CRACD: variants seen among roughly 807,000 people sequenced by gnomAD.
CRACD encodes the protein capping protein inhibiting regulator of actin dynamics.
In CRACD, 56 loss-of-function variants were observed where a neutral mutation model predicts 106.8. That is an observed-to-expected ratio of 0.52 (90% confidence interval 0.42 to 0.66). The LOEUF (loss-of-function observed/expected upper bound fraction) is 0.66. Ranked by LOEUF, CRACD falls within the 30% of genes least tolerant of loss-of-function variation. The probability of loss-of-function intolerance (pLI) is 0.00; values close to 1 mark genes in which losing one functional copy is unlikely to be tolerated. For missense variants in CRACD, 1,730 were observed against 1,623.2 expected, an observed-to-expected ratio of 1.07 and a Z score of -1.13; for synonymous variants, 754 against 670.8, an observed-to-expected ratio of 1.12 and a Z score of -1.92.
At chr4:56,223,179 T>C (rs756143111) in intron 2 of CRACD, among the ~76,000 whole-genome samples, 10 of 151,792 alleles carry the variant, frequency 6.6e-5, no homozygotes, top group Non-Finnish European at 1.0e-4. Flanking sequence ...AATCTCTTTT[T>C]AAACCACAGG....
At chr4:56,202,757 C>T (rs1737944886) in intron 2 of CRACD, among the ~76,000 whole-genome samples, 1 of 152,038 alleles carries the variant, frequency 6.6e-6, no homozygotes. Flanking sequence ...TCTGAAATAA[C>T]TTTTATTTTT....
chr4:56,267,279 C>A (rs1312636478), intron 2 of CRACD, among the ~76,000 whole-genome samples: 1 of 152,076 alleles, frequency 6.6e-6, no homozygotes, highest in East Asian at 1.9e-4. Flanking sequence ...AGCCACCACG[C>A]CCAGCTAATT....
rs190772769 is a variant in CRACD, at chr4:56,147,980, T to C, written c.-335-31304T>C. Among the ~76,000 whole-genome samples the C allele has an allele frequency of 4.6e-5, 7 of 152,262 alleles. 1 individual carries two copies. Among genetic ancestry groups the C allele is most frequent in the Admixed American group, 4.6e-4 (7 of 15,296 alleles). Reference sequence around the variant, plus strand: ...TAACCCAATATGACTTGTGTCCTTATAATGAGAAAGGTCAGAGACACAAGG... The same window carrying C: ...TAACCCAATATGACTTGTGTCCTTACAATGAGAAAGGTCAGAGACACAAGG... On this transcript the variant is annotated intron_variant, in intron 1 of 10. Coordinates refer to ENST00000682029, the MANE Select transcript of CRACD (RefSeq NM_001393381.1).
At chr4:56,094,794 A>G (rs1346658515) in intron 1 of CRACD, among the ~76,000 whole-genome samples, 1 of 152,182 alleles carries the variant, frequency 6.6e-6, no homozygotes, top group Non-Finnish European at 1.5e-5. Flanking sequence ...CATTTCTGGT[A>G]ATAAAAGCAA....
intron 1 of CRACD, among the ~76,000 whole-genome samples, chr4:56,109,607 A>G (rs1346935399): frequency 3.3e-5 from 5 of 152,244 alleles, no homozygotes; most frequent in Admixed American, 3.3e-4. Flanking sequence ...TATTATGGTT[A>G]TATAGGTTAA....
rs2109779790 is a variant in CRACD, at chr4:56,316,445, C to T, written c.2943C>T (p.Ser981=). The T allele has an allele frequency of 6.2e-7, 1 of 1,614,128 alleles. No homozygotes were observed. Among genetic ancestry groups the T allele is most frequent in the East Asian group, 2.2e-5 (1 of 44,876 alleles). Residue 981 remains serine (S), a synonymous_variant, in exon 8 of 11, where the codon AGC becomes AGT. Transcript: ENST00000682029. ...TPPASPLSKL[S]RPYLVELLSR... is the part of the protein sequence containing the mutation. Reference sequence around the variant, plus strand: ...CAGCATCCCCACTTTCCAAACTGAGCAGGCCCTACTTGGTAGAGCTGCTGT... The same window carrying T: ...CAGCATCCCCACTTTCCAAACTGAGTAGGCCCTACTTGGTAGAGCTGCTGT...
rs74376711 is a variant in CRACD, at chr4:56,287,056, C to T, written c.-16-11158C>T. 5.5e-3 allele frequency among the ~76,000 whole-genome samples: 837 copies of T among 152,248 alleles called. 26 individuals are homozygous for T. In the East Asian group the frequency reaches 0.096, roughly 18 times the overall value. ...AAGCACAGAAACAAGCCCTTCAAAA[C>T]GCCCTGTATTTTGATGTATTTGCTG... On this transcript the variant is annotated intron_variant, in intron 3 of 10. Coordinates refer to ENST00000682029, the MANE Select transcript of CRACD (RefSeq NM_001393381.1).
intron 3 of CRACD, among the ~76,000 whole-genome samples, chr4:56,282,838 T>G (rs924373445): frequency 6.6e-6 from 1 of 152,214 alleles, no homozygotes; most frequent in Non-Finnish European, 1.5e-5. Flanking sequence ...CCAAACTGCC[T>G]CTTGCTTTTC....
intron 2 of CRACD, among the ~76,000 whole-genome samples, chr4:56,270,700 A>G (rs1390372266): frequency 6.6e-6 from 1 of 152,106 alleles, no homozygotes; most frequent in Non-Finnish European, 1.5e-5. Context: ...GGGCATGTTA[A>G]TAGTGTCAAT....
chr4:56,286,902 C>G (rs908542585), intron 3 of CRACD, among the ~76,000 whole-genome samples: 2 of 152,168 alleles, frequency 1.3e-5, no homozygotes, highest in African/African-American at 4.8e-5. Flanking sequence ...GCAAAGGTTA[C>G]AGTGTGTGAG....
intron 3 of CRACD, among the ~76,000 whole-genome samples, chr4:56,286,427 G>A (rs1314494393): frequency 2.0e-5 from 3 of 148,796 alleles, no homozygotes; most frequent in South Asian, 4.2e-4. Context: ...TCGGGAGGCC[G>A]AGGCAGGAGA....
At chr4:56,055,891 T>C (rs138286404) in intron 1 of CRACD, among the ~76,000 whole-genome samples, 10 of 152,294 alleles carry the variant, frequency 6.6e-5, no homozygotes, top group Non-Finnish European at 8.8e-5. Context: ...AGCAAGACAG[T>C]GTGGGAGCAG....
At chr4:56,283,657 C>A (rs925158563) in intron 3 of CRACD, among the ~76,000 whole-genome samples, 11 of 152,316 alleles carry the variant, frequency 7.2e-5, no homozygotes, top group African/African-American at 2.6e-4. Context: ...CACTGTGCGG[C>A]CTAATGGCGG....
intron 1 of CRACD, among the ~76,000 whole-genome samples, chr4:56,057,424 C>A (rs1381472894): frequency 6.6e-6 from 1 of 152,154 alleles, no homozygotes; most frequent in African/African-American, 2.4e-5. Flanking sequence ...TGTGTGTGTA[C>A]ACACATACAC....
chr4:56,170,772 G>A (rs1196238297), intron 1 of CRACD, among the ~76,000 whole-genome samples: 1 of 152,182 alleles, frequency 6.6e-6, no homozygotes, highest in Non-Finnish European at 1.5e-5. Flanking sequence ...CCAGGAGCTC[G>A]AGGTTACAGT....
chr4:56,202,277 G>A (rs777693975), intron 2 of CRACD, among the ~76,000 whole-genome samples: 3 of 151,678 alleles, frequency 2.0e-5, no homozygotes, highest in East Asian at 1.9e-4. Flanking sequence ...ACGGAGTCTC[G>A]CTCTGTCACC....
In CRACD at chr4:56,263,751, A is replaced by G. The variant is rs1295528923; in HGVS notation, c.-188-8570A>G. ...ATATTTTTTAAAGATCAATTCACAC[A>G]TGGGCTGGCACAAGAGAAACATGAG... On this transcript the variant is annotated intron_variant, in intron 2 of 10. Coordinates refer to ENST00000682029, the MANE Select transcript of CRACD (RefSeq NM_001393381.1). Among the ~76,000 whole-genome samples, 3 of 152,342 alleles carry G rather than the reference A, an allele frequency of 2.0e-5. No homozygotes were observed. In the East Asian group the frequency reaches 5.8e-4, roughly 29 times the overall value.
intron 3 of CRACD, among the ~76,000 whole-genome samples, chr4:56,274,965 A>G (rs778182509): frequency 3.9e-5 from 6 of 152,206 alleles, no homozygotes; most frequent in South Asian, 2.1e-4. Flanking sequence ...AAAGAACAAG[A>G]TCATGTGTTT....
At chr4:56,233,198 T>G (rs1739748374) in intron 2 of CRACD, among the ~76,000 whole-genome samples, 1 of 152,198 alleles carries the variant, frequency 6.6e-6, no homozygotes, top group Non-Finnish European at 1.5e-5. Flanking sequence ...GGTATAGAAT[T>G]TATCAATATC....
Sources: allele counts gnomAD v4.1 joint callset (sites outside exome capture counted in the v4.1 genomes callset), GRCh38; gene constraint gnomAD v4.1.1; transcripts MANE v1.5; gene names NCBI Gene and HGNC (gene_info 2026-07-23, HGNC 2026-07-21).